ACSF2: variants seen among roughly 807,000 people sequenced by gnomAD.
ACSF2 encodes acyl-CoA synthetase family member 2.
ACSF2 carries 52 observed loss-of-function variants against 79.3 expected under a neutral mutation model. That is an observed-to-expected ratio of 0.66 (90% confidence interval 0.53 to 0.83). ACSF2 has a LOEUF of 0.83. Ranked by LOEUF, ACSF2 falls within the 40% of genes least tolerant of loss-of-function variation. The pLI is 0.00. For missense variants in ACSF2, 661 were observed against 803.3 expected (o/e 0.82, Z 2.14); for synonymous variants, 283 against 312.6 (o/e 0.91, Z 1.00).
In ACSF2 at chr17:50,460,891, A is replaced by G. The variant is rs1372628906; in HGVS notation, c.324+19A>G. Reference sequence around the variant, plus strand: ...GGAGGAGGTGGGTCCTGACCTGGAAACCTCAAAGTGGGCAAGTACTAGCTC... The same window carrying G: ...GGAGGAGGTGGGTCCTGACCTGGAAGCCTCAAAGTGGGCAAGTACTAGCTC... On this transcript the variant is annotated intron_variant, in intron 2 of 15. Coordinates refer to ENST00000300441, the MANE Select transcript of ACSF2 (RefSeq NM_025149.6). The G allele has an allele frequency of 7.5e-6, 12 of 1,598,540 alleles. No homozygotes were observed. Among genetic ancestry groups the G allele is most frequent in the Non-Finnish European group, 1.0e-5 (12 of 1,170,980 alleles).
intron 10 of ACSF2, chr17:50,465,804 T>C: frequency 6.2e-7 from 1 of 1,613,722 alleles, no homozygotes; most frequent in Admixed American, 1.7e-5. Context: ...GGTAGCTGGT[T>C]CAAGCGGTTG....
Position 50,462,950 on chromosome 17 carries a change from T to C in ACSF2, c.793-206T>C, listed in dbSNP as rs1446218716. ...GGCAGAGTTCTCTGGGCCATGTAAG[T>C]GGCATGAGAACGGAGACCTTATCTT... On this transcript the variant is annotated intron_variant, in intron 6 of 15. Transcript: ENST00000300441. 3 of 597,444 alleles carry C rather than the reference T, an allele frequency of 5.0e-6. No individual in the cohort carries two copies. In the African/African-American group the frequency reaches 5.6e-5, roughly 11 times the overall value. 37.0% of individuals were successfully genotyped at this position (597,444 alleles called of 1,614,324 possible). A position where few individuals can be genotyped will look rare whatever the true frequency, so the allele number is the denominator to read the frequency against.
chr17:50,461,581 G>T, intron 3 of ACSF2, 52 bp from the exon 4 acceptor site: 3 of 1,612,688 alleles, frequency 1.9e-6, no homozygotes, highest in Non-Finnish European at 2.5e-6. Flanking sequence ...AGGGGCAGCA[G>T]GAGGGACAGG....
chr17:50,468,484 G>A lies in ACSF2; in HGVS notation c.1216-2544G>A, dbSNP rs780301673. On this transcript the variant is annotated intron_variant, in intron 10 of 15. Coordinates refer to ENST00000300441, the MANE Select transcript of ACSF2 (RefSeq NM_025149.6). ...AGGCACCTGCGCGCAGCACGCGGAT[G>A]TCGTTATGGGACAGGTACAAGTAGA... 4.3e-6 allele frequency: 7 copies of A among 1,614,268 alleles called. No individual in the cohort carries two copies. The East Asian group carries it at 1.6e-4, about 36-fold the overall frequency.
intron 10 of ACSF2, chr17:50,468,930 G>T: frequency 7.1e-7 from 1 of 1,408,030 alleles, no homozygotes; most frequent in South Asian, 1.6e-5. Flanking sequence ...GACCGCAGCC[G>T]GCAGCCGAGC....
intron 1 of ACSF2, among the ~76,000 whole-genome samples, chr17:50,435,935 T>G (rs983823177): frequency 2.0e-5 from 3 of 151,640 alleles, no homozygotes; most frequent in Admixed American, 6.6e-5. Context: ...AGTGTTTTTT[T>G]TTGTTGTTTG....
chr17:50,447,447 C>T (rs2031374660), intron 1 of ACSF2, among the ~76,000 whole-genome samples: 2 of 151,840 alleles, frequency 1.3e-5, no homozygotes, highest in African/African-American at 2.4e-5. Context: ...GGTGCTGGGA[C>T]AGGAGGATCT....
chr17:50,462,153 T>C lies in ACSF2; in HGVS notation c.508-31T>C. ...AGAGCTCTAGTCTGGGGCTCCCCGCTGACTGGAGGTGGGGGACTCCCCTTC... is the reference window on the plus strand; with the variant it reads ...AGAGCTCTAGTCTGGGGCTCCCCGCCGACTGGAGGTGGGGGACTCCCCTTC... On this transcript the variant is annotated intron_variant, in intron 4 of 15. Coordinates refer to ENST00000300441, the MANE Select transcript of ACSF2 (RefSeq NM_025149.6). 1.9e-6 allele frequency: 3 copies of C among 1,600,376 alleles called. No homozygotes were observed. In the South Asian group the frequency reaches 3.3e-5, roughly 18 times the overall value.
chr17:50,474,048 G>T lies in ACSF2; in HGVS notation c.1728+44G>T. The T allele has an allele frequency of 1.3e-6, 2 of 1,551,180 alleles. No homozygotes were observed. The highest frequency in any genetic ancestry group is 1.7e-6 in the Non-Finnish European group (2 of 1,146,718). On this transcript the variant is annotated intron_variant, in intron 14 of 15. Coordinates refer to ENST00000300441, the MANE Select transcript of ACSF2 (RefSeq NM_025149.6). This position sits in a 1 kb window ranked among gnomAD's most constrained non-coding sequence, Gnocchi z 4.2. The stretch of plus-strand genomic sequence containing the variant: ...CCTAGCTGATGCTGCTCTGTTCTTT[G>T]CTCACCCACTCCTCTGCCAACCAGC...
intron 1 of ACSF2, among the ~76,000 whole-genome samples, chr17:50,453,545 A>G (rs1369194007): frequency 1.3e-5 from 2 of 152,160 alleles, no homozygotes; most frequent in African/African-American, 2.4e-5. Context: ...AGTGTGTCTC[A>G]AAGAAACCCA....
At chr17:50,469,050 C>G in intron 10 of ACSF2, 1 of 1,307,380 alleles carries the variant, frequency 7.6e-7, no homozygotes, top group Non-Finnish European at 9.7e-7. Context: ...AGCCGGCTAC[C>G]GTGCATGAGG....
At chr17:50,449,937 C>T (rs1215243477) in intron 1 of ACSF2, among the ~76,000 whole-genome samples, 1 of 152,114 alleles carries the variant, frequency 6.6e-6, no homozygotes. Flanking sequence ...CCTCAGCCCC[C>T]TCTACTGCTA....
rs1049628223 is a variant in ACSF2 at position 50,471,273 on chromosome 17, G to A, written c.1323+138G>A. 5.8e-6 allele frequency: 4 copies of A among 688,240 alleles called. No homozygotes were observed. The highest frequency in any genetic ancestry group is 1.0e-5 in the Non-Finnish European group (4 of 390,600). The allele number at this position is 688,240 out of a possible 1,614,324, so 42.6% of individuals were successfully genotyped here. A position where few individuals can be genotyped will look rare whatever the true frequency, so the allele number is the denominator to read the frequency against. Reference sequence around the variant, plus strand: ...CCTAGAGCCCCCCAGCAGCAGGGGTGTGCTAGGCCTGGCCCGGAGTGTTCT... The same window carrying A: ...CCTAGAGCCCCCCAGCAGCAGGGGTATGCTAGGCCTGGCCCGGAGTGTTCT... On this transcript the variant is annotated intron_variant, in intron 11 of 15. Coordinates refer to ENST00000300441, the MANE Select transcript of ACSF2 (RefSeq NM_025149.6). The surrounding 1 kb of genome is among the most constrained non-coding windows in gnomAD (Gnocchi z 4.1).
rs764751128 is a variant in ACSF2 at position 50,468,245 on chromosome 17, G to T, written c.1216-2783G>T. On this transcript the variant is annotated intron_variant, in intron 10 of 15. Transcript: ENST00000300441. ...GGCGAGGTTCTCCACGTCGTCCAGG[G>T]CCCCGGGCTGCAGGGAGCTCAACGC... 3.6e-5 allele frequency: 58 copies of T among 1,611,716 alleles called. No individual in the cohort carries two copies. The highest frequency in any genetic ancestry group is 4.7e-5 in the Non-Finnish European group (55 of 1,178,184).
chr17:50,467,844 G>A (rs964655178), intron 10 of ACSF2: 8 of 562,840 alleles, frequency 1.4e-5, no homozygotes, highest in South Asian at 3.0e-5. Flanking sequence ...GGCAGTGGTC[G>A]AGACTGGCAG....
rs565124250 is a variant in ACSF2 at position 50,463,006 on chromosome 17, G to A, written c.793-150G>A. ...TTGCTGGACCCTGACACCTGGTATC[G>A]TGGTAGACCTTTTGCAAATATACTG... On this transcript the variant is annotated intron_variant, in intron 6 of 15. Transcript: ENST00000300441. The surrounding 1 kb of genome is among the most constrained non-coding windows in gnomAD (Gnocchi z 4.6). The A allele has an allele frequency of 8.9e-5, 61 of 688,400 alleles. No homozygotes were observed. The highest frequency in any genetic ancestry group is 8.0e-4 in the African/African-American group (45 of 56,306). The allele number at this position is 688,400 out of a possible 1,614,324, so 42.6% of individuals were successfully genotyped here.
Position 50,474,116 on chromosome 17 carries a change from G to A in ACSF2, c.1729-83G>A. 1 of 1,595,492 alleles carries A rather than the reference G, an allele frequency of 6.3e-7. No individual in the cohort carries two copies. The highest frequency in any genetic ancestry group is 1.7e-5 in the Admixed American group (1 of 59,766). ...CTGCCCTTGACGAAGCTGACTCCTG[G>A]CCAGGCCAGCCCCTGGTCCCCTACC... On this transcript the variant is annotated intron_variant, in intron 14 of 15. Transcript: ENST00000300441. This position sits in a 1 kb window ranked among gnomAD's most constrained non-coding sequence, Gnocchi z 4.2.
intron 10 of ACSF2, among the ~76,000 whole-genome samples, chr17:50,470,593 T>G (rs1288990925): frequency 6.6e-6 from 1 of 151,970 alleles, no homozygotes; most frequent in Non-Finnish European, 1.5e-5. Context: ...CAGGCTGGCT[T>G]TCTCATCAAG....
At chr17:50,438,052 A>G (rs960429736) in intron 1 of ACSF2, among the ~76,000 whole-genome samples, 1 of 152,154 alleles carries the variant, frequency 6.6e-6, no homozygotes, top group African/African-American at 2.4e-5. Flanking sequence ...ATGTCTCTGA[A>G]TCCATAAATA....
Sources: gnomAD v4.1 joint callset for allele counts (sites outside exome capture counted in the v4.1 genomes callset) on GRCh38, gnomAD v4.1.1 for gene constraint, Gnocchi (gnomAD v3.1) non-coding constraint, MANE v1.5 for transcripts, NCBI Gene and HGNC (gene_info 2026-07-23, HGNC 2026-07-21) for gene names.